CCL1: variants seen among roughly 807,000 people sequenced by gnomAD.
CCL1 encodes the protein C-C motif chemokine ligand 1.
Under a neutral mutation model 7.5 loss-of-function variants are expected in CCL1, and 9 were observed. That is an observed-to-expected ratio of 1.20 (90% confidence interval 0.72 to 2.09). The LOEUF is 2.09. CCL1 is among the 30% of genes most tolerant of loss of function. CCL1 has a pLI of 0.00. For missense variants in CCL1, 110 were observed against 113.7 expected, an observed-to-expected ratio of 0.97 and a Z score of 0.15; for synonymous variants, 48 against 44.7, an observed-to-expected ratio of 1.07 and a Z score of -0.30.
Position 34,363,206 on chromosome 17 carries a change from C to T in CCL1, c.-45G>A, listed in dbSNP as rs1438147746. 1 of 1,581,920 alleles carries T rather than the reference C, an allele frequency of 6.3e-7. No individual in the cohort carries two copies. Among genetic ancestry groups the T allele is most frequent in the South Asian group, 1.1e-5 (1 of 90,200 alleles). ...GCCTTCCTGGAGCAGCTTTGATGAG[C>T]CTGGTGAAGCTAAGAGCTCACCACT... On this transcript the variant is annotated 5_prime_UTR_variant, in exon 1 of 3. Coordinates refer to ENST00000225842, the MANE Select transcript of CCL1 (RefSeq NM_002981.2).
In CCL1 at chr17:34,360,575, G is replaced by A. The variant is rs368269811; in HGVS notation, c.275C>T (p.Pro92Leu). 1.4e-5 allele frequency: 22 copies of A among 1,613,310 alleles called. No individual in the cohort carries two copies. The highest frequency in any genetic ancestry group is 1.7e-5 in the Admixed American group (1 of 59,984). ...QRHRKMLRHCPSKRK is the reference protein window; with the variant it reads ...QRHRKMLRHCLSKRK ...GAAATCTGCTCATTTTCTTTTTGACGGGCAGTGCCTCAGCATTTTTCTGTG... is the reference window on the plus strand; with the variant it reads ...GAAATCTGCTCATTTTCTTTTTGACAGGCAGTGCCTCAGCATTTTTCTGTG... The change falls in exon 3 of 3, where the codon CCG becomes CTG. Residue 92 changes from proline to leucine, a missense_variant. Coordinates refer to ENST00000225842, the MANE Select transcript of CCL1 (RefSeq NM_002981.2).
At chr17:34,362,741 T>C (rs967849905) in intron 1 of CCL1, among the ~76,000 whole-genome samples, 1 of 152,200 alleles carries the variant, frequency 6.6e-6, no homozygotes, top group African/African-American at 2.4e-5. Context: ...CTTCTGACTC[T>C]ACTTGGTGTC....
chr17:34,360,515 T>G lies in CCL1; in HGVS notation c.*44A>C, dbSNP rs1597614411. The G allele has an allele frequency of 6.9e-7, 1 of 1,444,540 alleles. No homozygotes were observed. The highest frequency in any genetic ancestry group is 9.8e-7 in the Non-Finnish European group (1 of 1,025,136). 89.5% of individuals were successfully genotyped at this position (1,444,540 alleles called of 1,614,324 possible). A position where few individuals can be genotyped will look rare whatever the true frequency, so the allele number is the denominator to read the frequency against. On this transcript the variant is annotated 3_prime_UTR_variant, in exon 3 of 3. Coordinates refer to ENST00000225842, the MANE Select transcript of CCL1 (RefSeq NM_002981.2). ...TAGGGCTGGTAGTTTCGGGGACAGG[T>G]GAAGCCATGTGGTTTCCAGAGCCCA...
chr17:34,360,449 A>G lies in CCL1; in HGVS notation c.*110T>C. ...AACATAGCTTATCAAGACCAAGCAG[A>G]TCCTCTGTGACCTAGCAAAAGCAGG... On this transcript the variant is annotated 3_prime_UTR_variant, in exon 3 of 3. Transcript: ENST00000225842. The G allele has an allele frequency of 7.3e-6, 6 of 821,910 alleles. No individual in the cohort carries two copies. In the South Asian group the frequency reaches 8.4e-5, roughly 12 times the overall value. 50.9% of individuals were successfully genotyped at this position (821,910 alleles called of 1,614,324 possible). A position where few individuals can be genotyped will look rare whatever the true frequency, so the allele number is the denominator to read the frequency against.
In CCL1 at chr17:34,360,582, G is replaced by A; in HGVS notation, c.268C>T (p.His90Tyr). The A allele has an allele frequency of 1.2e-6, 2 of 1,613,682 alleles. No individual in the cohort carries two copies. The highest frequency in any genetic ancestry group is 1.1e-5 in the South Asian group (1 of 91,070). The change falls in exon 3 of 3, where the codon CAC becomes TAC. Residue 90 changes from histidine (H) to tyrosine (Y), a missense_variant. By Grantham distance (83) the His-to-Tyr change is moderately conservative (BLOSUM62 2). Transcript: ENST00000225842. ...WVQRHRKMLR[H>Y]CPSKRK ...GCTCATTTTCTTTTTGACGGGCAGT[G>A]CCTCAGCATTTTTCTGTGCCTCTGA...
chr17:34,362,711 T>C (rs547733771), intron 1 of CCL1, among the ~76,000 whole-genome samples: 2 of 152,272 alleles, frequency 1.3e-5, no homozygotes, highest in East Asian at 1.9e-4. Context: ...GAGTGACCAA[T>C]TGTTAGAGCC....
At chr17:34,362,116 C>T (rs143502869) in intron 1 of CCL1, among the ~76,000 whole-genome samples, 66 of 152,296 alleles carry the variant, frequency 4.3e-4, no homozygotes, top group African/African-American at 1.5e-3. Flanking sequence ...CCCCGCACCC[C>T]AGCTGAGTGG....
At chr17:34,361,634 A>G in intron 2 of CCL1, 151 bp downstream of exon 2, 1 of 602,376 alleles carries the variant, frequency 1.7e-6, no homozygotes, top group Non-Finnish European at 3.1e-6. Context: ...CGCTCCCTCT[A>G]GCGCCCAAGT....
At chr17:34,362,403 T>C (rs535432512) in intron 1 of CCL1, among the ~76,000 whole-genome samples, 2 of 152,164 alleles carry the variant, frequency 1.3e-5, no homozygotes, top group South Asian at 2.1e-4. Context: ...AGGGAAGAGC[T>C]CCCAGGAACT....
At chr17:34,362,586 C>T (rs1428391102) in intron 1 of CCL1, among the ~76,000 whole-genome samples, 1 of 152,166 alleles carries the variant, frequency 6.6e-6, no homozygotes, top group Non-Finnish European at 1.5e-5. Context: ...TTTGCACCCC[C>T]TTTCATGCCT....
intron 1 of CCL1, among the ~76,000 whole-genome samples, chr17:34,362,744 T>C (rs1254968641): frequency 6.6e-6 from 1 of 152,170 alleles, no homozygotes. Context: ...CTGACTCTAC[T>C]TGGTGTCTGT....
Position 34,363,084 on chromosome 17 carries a change from AC to A in CCL1, c.76+1del, listed in dbSNP as rs1394408430. On this transcript the variant is annotated splice_donor_variant, in intron 1 of 2. Coordinates refer to ENST00000225842, the MANE Select transcript of CCL1 (RefSeq NM_002981.2). LOFTEE classifies it high-confidence loss of function. ...AAGCAAAATGATGCCTGCCACACTC[AC>A]TGCTCTTGCTGTCCACATCTTCCGG... 6.2e-7 allele frequency: 1 copy of A among 1,612,124 alleles called. No homozygotes were observed. The highest frequency in any genetic ancestry group is 8.5e-7 in the Non-Finnish European group (1 of 1,179,928).
chr17:34,360,505 C>T lies in CCL1; in HGVS notation c.*54G>A, dbSNP rs1053189642. The T allele has an allele frequency of 2.8e-5, 38 of 1,346,830 alleles. 1 individual carries two copies. The Middle Eastern group carries it at 7.2e-4, about 26-fold the overall frequency. 83.4% of individuals were successfully genotyped at this position (1,346,830 alleles called of 1,614,324 possible). On this transcript the variant is annotated 3_prime_UTR_variant, in exon 3 of 3. Coordinates refer to ENST00000225842, the MANE Select transcript of CCL1 (RefSeq NM_002981.2). The stretch of plus-strand genomic sequence containing the variant: ...AGGAATGGTGTAGGGCTGGTAGTTT[C>T]GGGGACAGGTGAAGCCATGTGGTTT...
rs747142519 is a variant in CCL1, at chr17:34,361,755, T to C, written c.188+30A>G. ...TCCAGGCTGGCGGGGTTCTGTTCTC[T>C]AGGGAGAGATTGAGCAGGTGATCAC... is the stretch of plus-strand genomic sequence containing the variant. On this transcript the variant is annotated intron_variant, in intron 2 of 2. Transcript: ENST00000225842. 37 of 1,399,518 alleles carry C rather than the reference T, an allele frequency of 2.6e-5. No homozygotes were observed. The African/African-American group carries it at 4.9e-4, about 19-fold the overall frequency. 86.7% of individuals were successfully genotyped at this position (1,399,518 alleles called of 1,614,324 possible).
intron 1 of CCL1, 118 bp from the exon 2 acceptor site, chr17:34,362,014 C>T (rs1052744463): frequency 1.6e-6 from 1 of 625,874 alleles, no homozygotes; most frequent in Non-Finnish European, 2.9e-6. Flanking sequence ...TTGGGGACCA[C>T]ATCCAGACGG....
At chr17:34,361,424 G>A (rs898969008) in intron 2 of CCL1, among the ~76,000 whole-genome samples, 1 of 152,216 alleles carries the variant, frequency 6.6e-6, no homozygotes, top group African/African-American at 2.4e-5. Flanking sequence ...GGTCACCCAA[G>A]ACTATGGGTT....
At chr17:34,361,286 TG>T (rs1910499706) in intron 2 of CCL1, among the ~76,000 whole-genome samples, 1 of 152,134 alleles carries the variant, frequency 6.6e-6, no homozygotes, top group Admixed American at 6.5e-5. Context: ...AAATACTGAC[TG>T]GTTTGTGAAA....
chr17:34,361,268 A>C (rs957032747), intron 2 of CCL1, among the ~76,000 whole-genome samples: 3 of 152,166 alleles, frequency 2.0e-5, no homozygotes, highest in Admixed American at 6.5e-5. Flanking sequence ...ATACATGAAA[A>C]AGCCTTAAAA....
chr17:34,361,081 GGT>G (rs1379663444), intron 2 of CCL1, among the ~76,000 whole-genome samples: 7 of 151,368 alleles, frequency 4.6e-5, no homozygotes, highest in Non-Finnish European at 5.9e-5. Flanking sequence ...TGTGTGTGTG[GGT>G]GTGTGTATTT....
Sources: allele counts gnomAD v4.1 joint callset (sites outside exome capture counted in the v4.1 genomes callset), GRCh38; gene constraint gnomAD v4.1.1; transcripts MANE v1.5; gene names NCBI Gene and HGNC (gene_info 2026-07-23, HGNC 2026-07-21).